The following ANXA4 variants were observed in gnomAD, a reference collection of about 807,000 sequenced individuals.
ANXA4 encodes 35-beta calcimedin.
A neutral mutation model predicts 49.8 loss-of-function variants in ANXA4; 39 were observed. The ratio of observed to expected loss-of-function variants is 0.78; its 90% CI spans 0.61 to 1.02. ANXA4 has a LOEUF of 1.02. Among genes scored for constraint, ANXA4 ranks in the 50% least tolerant of loss-of-function variants. The probability of loss-of-function intolerance (pLI) is 0.00; values close to 1 mark genes in which losing one functional copy is unlikely to be tolerated. For synonymous variants in ANXA4, 134 were observed against 152.5 expected (o/e 0.88, Z 0.89); for missense variants, 360 against 410.1 (o/e 0.88, Z 1.05).
Position 69,818,630 on chromosome 2 carries a change from G to A in ANXA4, c.660G>A (p.Lys220=). The change falls in exon 10 of 13, where the codon AAG becomes AAA. Residue 220 remains lysine, a synonymous_variant. Coordinates refer to ENST00000394295, the MANE Select transcript of ANXA4 (RefSeq NM_001153.5). ...VFDEYKRISQ[K]DIEQSIKSET... ...ATGAATACAAAAGGATATCACAGAA[G>A]GATATTGAACAGAGTATTAAATCTG... The A allele has an allele frequency of 1.2e-6, 2 of 1,609,392 alleles. No homozygotes were observed. Among genetic ancestry groups the A allele is most frequent in the Non-Finnish European group, 8.5e-7 (1 of 1,177,378 alleles).
At chr2:69,805,969 A>G (rs887642785) in intron 4 of ANXA4, among the ~76,000 whole-genome samples, 1 of 152,258 alleles carries the variant, frequency 6.6e-6, no homozygotes, top group African/African-American at 2.4e-5. Context: ...ACATTTAGTG[A>G]GAAGATTGGC....
At chr2:69,699,851 G>A (rs1343127103) in intron 2 of ANXA4, among the ~76,000 whole-genome samples, 1 of 152,174 alleles carries the variant, frequency 6.6e-6, no homozygotes, top group Non-Finnish European at 1.5e-5. Flanking sequence ...TTCAGCACAT[G>A]CTGTGCAGGT....
intron 3 of ANXA4, among the ~76,000 whole-genome samples, chr2:69,725,305 T>TAC (rs1327183735): frequency 6.6e-6 from 1 of 150,868 alleles, no homozygotes; most frequent in Non-Finnish European, 1.5e-5. Flanking sequence ...ATCATTTATA[T>TAC]ATTTAAATGT....
chr2:69,692,394 C>T (rs935932300), intron 2 of ANXA4, among the ~76,000 whole-genome samples: 1 of 152,184 alleles, frequency 6.6e-6, no homozygotes, highest in African/African-American at 2.4e-5. Flanking sequence ...TTTGTTTGTG[C>T]TGTGCACTTG....
intron 3 of ANXA4, among the ~76,000 whole-genome samples, chr2:69,790,790 T>C (rs1176950539): frequency 1.3e-5 from 2 of 152,252 alleles, no homozygotes; most frequent in South Asian, 2.1e-4. Flanking sequence ...CCTGGTTGGT[T>C]GACAGGAGTA....
intron 1 of ANXA4, among the ~76,000 whole-genome samples, chr2:69,646,699 A>C (rs1676020511): frequency 2.0e-5 from 3 of 152,206 alleles, no homozygotes. Context: ...ACATCCCTAC[A>C]CTTGAAGAGT....
chr2:69,739,366 T>C (rs899559325), upstream of ANXA4, among the ~76,000 whole-genome samples: 2 of 152,070 alleles, frequency 1.3e-5, no homozygotes, highest in South Asian at 4.2e-4. Context: ...CTTGTTCCCT[T>C]GTCCTTGTGA....
At chr2:69,665,940 C>T (rs1386788833) in intron 2 of ANXA4, among the ~76,000 whole-genome samples, 1 of 152,148 alleles carries the variant, frequency 6.6e-6, no homozygotes, top group Non-Finnish European at 1.5e-5. Flanking sequence ...CATGGTGGCT[C>T]ACACCTATAA....
chr2:69,758,921 T>C (rs1325770219), intron 1 of ANXA4, among the ~76,000 whole-genome samples: 1 of 152,018 alleles, frequency 6.6e-6, no homozygotes, highest in East Asian at 1.9e-4. Context: ...TCACCTGAAG[T>C]CAGTAGTTCA....
At chr2:69,759,256 G>T (rs1295474631) in intron 1 of ANXA4, among the ~76,000 whole-genome samples, 2 of 152,002 alleles carry the variant, frequency 1.3e-5, no homozygotes, top group Non-Finnish European at 2.9e-5. Flanking sequence ...AATAAATATG[G>T]TGATTGTATA....
chr2:69,819,391 C>A, intron 11 of ANXA4, 53 bp downstream of exon 11: 1 of 1,373,582 alleles, frequency 7.3e-7, no homozygotes, highest in Non-Finnish European at 1.0e-6. Flanking sequence ...CTTGTGTCCA[C>A]CTTCTTAAGC....
At chr2:69,687,049 G>A (rs1444845053) in intron 2 of ANXA4, among the ~76,000 whole-genome samples, 1 of 152,256 alleles carries the variant, frequency 6.6e-6, no homozygotes, top group Non-Finnish European at 1.5e-5. Context: ...GAGCGGCGCT[G>A]TGCAGCCTGG....
At chr2:69,683,015 T>C (rs941960210) in intron 2 of ANXA4, among the ~76,000 whole-genome samples, 1 of 152,234 alleles carries the variant, frequency 6.6e-6, no homozygotes, top group African/African-American at 2.4e-5. Flanking sequence ...TTTTTCTACA[T>C]GCACAAGGAT....
Position 69,820,645 on chromosome 2 carries a change from C to T in ANXA4, c.784-54C>T. ...TCTTGCTTTGATAGACTAAAGAAGA[C>T]ACTGAAAAACAGCTAGGTTTTTGTA... On this transcript the variant is annotated intron_variant, in intron 11 of 12. Coordinates refer to ENST00000394295, the MANE Select transcript of ANXA4 (RefSeq NM_001153.5). The T allele has an allele frequency of 6.2e-6, 10 of 1,602,762 alleles. No homozygotes were observed. The South Asian group carries it at 1.1e-4, about 18-fold the overall frequency.
At chr2:69,763,825 G>T (rs1352822930) in intron 1 of ANXA4, among the ~76,000 whole-genome samples, 8 of 151,916 alleles carry the variant, frequency 5.3e-5, no homozygotes, top group Non-Finnish European at 1.0e-4. Context: ...ACCACGCCTG[G>T]CTAATTTTTA....
At chr2:69,702,160 C>T (rs563849450) in intron 2 of ANXA4, among the ~76,000 whole-genome samples, 7 of 46,078 alleles carry the variant, frequency 1.5e-4, no homozygotes, top group East Asian at 2.0e-3. Context: ...TACAGGTGTG[C>T]GCCACCACCC....
chr2:69,656,012 C>A (rs763490861), intron 2 of ANXA4, among the ~76,000 whole-genome samples: 1 of 151,740 alleles, frequency 6.6e-6, no homozygotes, highest in Non-Finnish European at 1.5e-5. Flanking sequence ...ACATCACACA[C>A]TGGGGCCTGT....
chr2:69,824,970 C>T (rs571251358), intron 12 of ANXA4, among the ~76,000 whole-genome samples: 6 of 147,276 alleles, frequency 4.1e-5, no homozygotes, highest in Admixed American at 3.5e-4. Flanking sequence ...AGGAGGCTGA[C>T]GCAGAAGAAT....
Position 69,825,518 on chromosome 2 carries a change from TA to T in ANXA4, c.*8del. On this transcript the variant is annotated 3_prime_UTR_variant, in exon 13 of 13. Transcript: ENST00000394295. ...TTCTCTGTGGAGGAGATGATTAAAA[TA>T]AAAATCCCAGAAGGACAGGAGGATT... 6.2e-7 allele frequency: 1 copy of T among 1,606,530 alleles called. No individual in the cohort carries two copies. The highest frequency in any genetic ancestry group is 1.7e-5 in the Admixed American group (1 of 57,656).
Sources: gnomAD v4.1 joint callset for allele counts (sites outside exome capture counted in the v4.1 genomes callset) on GRCh38, gnomAD v4.1.1 for gene constraint, MANE v1.5 for transcripts, NCBI Gene and HGNC (gene_info 2026-07-23, HGNC 2026-07-21) for gene names.